CYP4X1: variants seen among roughly 807,000 people sequenced by gnomAD.
The protein encoded by CYP4X1 is cytochrome P450 family 4 subfamily X member 1.
CYP4X1 carries 44 observed loss-of-function variants against 57.9 expected under a neutral mutation model. The observed-to-expected ratio is 0.76, with a 90% CI of 0.60 to 0.98. The LOEUF (loss-of-function observed/expected upper bound fraction) is 0.98. CYP4X1 is among the 50% of genes least tolerant of loss of function. The pLI, the probability that CYP4X1 is intolerant of heterozygous loss-of-function variation, is 0.00. For missense variants in CYP4X1, 532 were observed against 623.9 expected (o/e 0.85, Z 1.57); for synonymous variants, 227 against 228.6 (o/e 0.99, Z 0.06).
intron 1 of CYP4X1, among the ~76,000 whole-genome samples, chr1:47,027,170 C>G (rs1164718114): frequency 6.6e-6 from 1 of 151,510 alleles, no homozygotes; most frequent in Admixed American, 6.6e-5. Context: ...TTGACTGTCA[C>G]TAAGTTTTTT....
intron 8 of CYP4X1, 75 bp downstream of exon 8, chr1:47,039,607 T>A (rs1028994745): frequency 9.4e-7 from 1 of 1,064,314 alleles, no homozygotes; most frequent in African/African-American, 1.6e-5. Context: ...GCTGGTACCT[T>A]AGTGACCCTA....
At chr1:47,043,740 G>A (rs892729337) in intron 8 of CYP4X1, among the ~76,000 whole-genome samples, 4 of 152,070 alleles carry the variant, frequency 2.6e-5, no homozygotes, top group African/African-American at 9.7e-5. Context: ...GTTGAATAGG[G>A]TTAATATTTA....
chr1:47,016,468 A>C, the CYP4X1 span, among the ~76,000 whole-genome samples: 1 of 151,940 alleles, frequency 6.6e-6, no homozygotes, highest in South Asian at 2.1e-4. Flanking sequence ...CAGCCTCCCA[A>C]GTAGCTGGGA....
At chr1:46,970,167 A>C in the CYP4X1 span, among the ~76,000 whole-genome samples, 1 of 152,202 alleles carries the variant, frequency 6.6e-6, no homozygotes, top group African/African-American at 2.4e-5. Context: ...AATATTTTTG[A>C]AAATTGAGAA....
At chr1:47,038,335 C>T (rs932233445) in intron 6 of CYP4X1, among the ~76,000 whole-genome samples, 8 of 151,832 alleles carry the variant, frequency 5.3e-5, no homozygotes, top group Non-Finnish European at 1.0e-4. Context: ...TATTTCATTC[C>T]ATTTTATTTA....
chr1:46,996,809 C>T, the CYP4X1 span, among the ~76,000 whole-genome samples: 1 of 151,892 alleles, frequency 6.6e-6, no homozygotes, highest in South Asian at 2.1e-4. Context: ...CAAGGAATAC[C>T]TGCTGATTGG....
At chr1:46,971,144 G>A in the CYP4X1 span, among the ~76,000 whole-genome samples, 1 of 152,126 alleles carries the variant, frequency 6.6e-6, no homozygotes, top group Non-Finnish European at 1.5e-5. Flanking sequence ...TGTACTCGAT[G>A]TTTAGCTCCC....
the CYP4X1 span, among the ~76,000 whole-genome samples, chr1:46,975,320 GT>G: frequency 1.3e-5 from 2 of 152,132 alleles, no homozygotes; most frequent in Non-Finnish European, 2.9e-5. Context: ...TCATTTCCAT[GT>G]TTAGCACCCC....
At chr1:46,966,002 G>A in the CYP4X1 span, among the ~76,000 whole-genome samples, 1 of 152,226 alleles carries the variant, frequency 6.6e-6, no homozygotes, top group African/African-American at 2.4e-5. Flanking sequence ...CAAGGCAGCT[G>A]TGCTGCTTTG....
the CYP4X1 span, among the ~76,000 whole-genome samples, chr1:46,985,510 C>T: frequency 6.6e-6 from 1 of 152,176 alleles, no homozygotes; most frequent in African/African-American, 2.4e-5. Flanking sequence ...AGCGTTCGAG[C>T]TCTGCTAAGG....
intron 8 of CYP4X1, among the ~76,000 whole-genome samples, chr1:47,040,927 TTGAC>T (rs1229224048): frequency 1.3e-5 from 2 of 152,132 alleles, no homozygotes; most frequent in Non-Finnish European, 2.9e-5. Flanking sequence ...TTTGTATCCT[TTGAC>T]TAACATCCCT....
chr1:47,010,298 CA>C, the CYP4X1 span, among the ~76,000 whole-genome samples: 1 of 152,092 alleles, frequency 6.6e-6, no homozygotes, highest in Non-Finnish European at 1.5e-5. Flanking sequence ...TAAACAGAAC[CA>C]ACAACAAAAA....
the CYP4X1 span, among the ~76,000 whole-genome samples, chr1:47,010,851 G>A: frequency 2.0e-5 from 3 of 152,118 alleles, no homozygotes; most frequent in South Asian, 6.2e-4. Flanking sequence ...AACTTACAAG[G>A]GACGTGAAGG....
chr1:46,968,590 C>T, the CYP4X1 span, among the ~76,000 whole-genome samples: 1 of 152,210 alleles, frequency 6.6e-6, no homozygotes, highest in Non-Finnish European at 1.5e-5. Flanking sequence ...CCTCTCCCTC[C>T]CCAGTACCCC....
intron 4 of CYP4X1, 132 bp from the exon 5 acceptor site, chr1:47,035,674 G>C (rs1644172130): frequency 7.6e-7 from 1 of 1,323,612 alleles, no homozygotes; most frequent in African/African-American, 1.5e-5. Flanking sequence ...ATTTACTCAT[G>C]TGATCTTTGG....
chr1:47,009,807 C>T, the CYP4X1 span, among the ~76,000 whole-genome samples: 740 of 152,286 alleles, frequency 4.9e-3, 13 homozygotes, highest in East Asian at 0.047. Flanking sequence ...ACTAGAAGAT[C>T]TAGAAGCAAT....
chr1:46,984,693 CCCACGGTCTTCGCAA>C, the CYP4X1 span, among the ~76,000 whole-genome samples: 8 of 152,318 alleles, frequency 5.3e-5, no homozygotes, highest in Non-Finnish European at 8.8e-5. Flanking sequence ...CTACGCTTTT[CCCACGGTCTTCGCAA>C]CCTACAGACC....
chr1:46,991,728 G>A, the CYP4X1 span, among the ~76,000 whole-genome samples: 5,795 of 152,226 alleles, frequency 0.038, 389 homozygotes, highest in African/African-American at 0.13. Context: ...AAGCAGCCTC[G>A]GGAGTGACAG....
upstream of CYP4X1, among the ~76,000 whole-genome samples, chr1:47,020,521 CTACCTTAAAAG>C (rs1272700255): frequency 6.6e-6 from 1 of 152,238 alleles, no homozygotes; most frequent in Non-Finnish European, 1.5e-5. Context: ...TCTGTGATAG[CTACCTTAAAAG>C]TACTTAAGCG....
Sources: gnomAD v4.1 joint callset for allele counts (sites outside exome capture counted in the v4.1 genomes callset) on GRCh38, gnomAD v4.1.1 for gene constraint, MANE v1.5 for transcripts, NCBI Gene and HGNC (gene_info 2026-07-23, HGNC 2026-07-21) for gene names.